Variants in BAZ2B observed in about 807,000 individuals in gnomAD.
The protein encoded by BAZ2B is bromodomain adjacent to zinc finger domain protein 2B.
BAZ2B carries 91 observed loss-of-function variants against 246.0 expected under a neutral mutation model. The observed-to-expected ratio is 0.37, with a 90% CI of 0.31 to 0.44. The LOEUF (loss-of-function observed/expected upper bound fraction) is 0.44, where lower values mean the gene tolerates loss of function less well. BAZ2B is among the 20% of genes least tolerant of loss of function. The pLI is 1.00. For missense variants in BAZ2B, 2,332 were observed against 2,533.7 expected, an observed-to-expected ratio of 0.92 and a Z score of 1.71; for synonymous variants, 855 against 860.0, an observed-to-expected ratio of 0.99 and a Z score of 0.10.
intron 2 of BAZ2B, among the ~76,000 whole-genome samples, chr2:159,531,375 T>G (rs964146608): frequency 6.6e-6 from 1 of 152,210 alleles, no homozygotes; most frequent in Non-Finnish European, 1.5e-5. Context: ...GTTTTTACTT[T>G]TGCAAACCAA....
chr2:159,639,927 A>C, the BAZ2B span, among the ~76,000 whole-genome samples: 4 of 152,110 alleles, frequency 2.6e-5, no homozygotes, highest in Non-Finnish European at 5.9e-5. Flanking sequence ...ATTAAAAAAA[A>C]TAAGATCCAG....
chr2:159,638,462 A>G, the BAZ2B span, among the ~76,000 whole-genome samples: 1 of 152,254 alleles, frequency 6.6e-6, no homozygotes, highest in South Asian at 2.1e-4. Context: ...CAAAGAATTC[A>G]GAATAGCTGT....
intron 10 of BAZ2B, among the ~76,000 whole-genome samples, chr2:159,430,628 T>C (rs1012374877): frequency 1.3e-5 from 2 of 152,130 alleles, no homozygotes; most frequent in Middle Eastern, 3.4e-3. Context: ...GCAGAAAGGT[T>C]CAAAACCAAA....
chr2:159,366,907 C>T (rs1293291609), intron 27 of BAZ2B, among the ~76,000 whole-genome samples: 1 of 151,996 alleles, frequency 6.6e-6, no homozygotes, highest in Admixed American at 6.6e-5. Flanking sequence ...TGAGCCACAC[C>T]AAGGGTCAGG....
intron 2 of BAZ2B, among the ~76,000 whole-genome samples, chr2:159,497,359 G>C (rs1267130470): frequency 1.3e-5 from 2 of 152,186 alleles, no homozygotes; most frequent in Non-Finnish European, 2.9e-5. Context: ...GAAGGTCCAT[G>C]ACTCATTATG....
chr2:159,631,522 C>G, the BAZ2B span, among the ~76,000 whole-genome samples: 1 of 152,014 alleles, frequency 6.6e-6, no homozygotes, highest in Non-Finnish European at 1.5e-5. Flanking sequence ...CTTAGAATAC[C>G]CTGTCACACC....
At chr2:159,445,524 T>C (rs1381823315) in intron 6 of BAZ2B, among the ~76,000 whole-genome samples, 1 of 152,140 alleles carries the variant, frequency 6.6e-6, no homozygotes, top group Non-Finnish European at 1.5e-5. Flanking sequence ...CAATGAGGTA[T>C]CACAGTCAAG....
chr2:159,497,101 A>G (rs981842869), intron 2 of BAZ2B, among the ~76,000 whole-genome samples: 8 of 152,152 alleles, frequency 5.3e-5, no homozygotes, highest in African/African-American at 1.9e-4. Context: ...TGTTATCTCC[A>G]TAATTCAACC....
At chr2:159,644,580 A>G in the BAZ2B span, among the ~76,000 whole-genome samples, 1 of 152,200 alleles carries the variant, frequency 6.6e-6, no homozygotes, top group Non-Finnish European at 1.5e-5. Context: ...TTCCTTGAGA[A>G]TAGTGCACAT....
intron 1 of BAZ2B, among the ~76,000 whole-genome samples, chr2:159,587,981 T>C (rs983005168): frequency 2.0e-5 from 3 of 151,788 alleles, no homozygotes; most frequent in African/African-American, 7.3e-5. Flanking sequence ...GCTTGAGCCC[T>C]GGAGTGTTAA....
chr2:159,591,922 C>T (rs188739791), intron 1 of BAZ2B, among the ~76,000 whole-genome samples: 67 of 152,180 alleles, frequency 4.4e-4, no homozygotes, highest in African/African-American at 1.4e-3. Flanking sequence ...AAGCTTTAGA[C>T]GAGGCTGGGC....
chr2:159,420,518 T>G (rs2068560791), intron 13 of BAZ2B, among the ~76,000 whole-genome samples: 1 of 152,188 alleles, frequency 6.6e-6, no homozygotes, highest in Non-Finnish European at 1.5e-5. Flanking sequence ...TATTCCATAC[T>G]CTAATGGTTC....
At chr2:159,662,925 G>A in the BAZ2B span, among the ~76,000 whole-genome samples, 1 of 152,058 alleles carries the variant, frequency 6.6e-6, no homozygotes, top group South Asian at 2.1e-4. Flanking sequence ...TAATGATGTT[G>A]AACATAATTT....
intron 1 of BAZ2B, among the ~76,000 whole-genome samples, chr2:159,557,129 C>T (rs1360025897): frequency 6.8e-6 from 1 of 147,112 alleles, no homozygotes; most frequent in Non-Finnish European, 1.5e-5. Context: ...TTATAGCCTC[C>T]CTACTTCTAT....
intron 25 of BAZ2B, among the ~76,000 whole-genome samples, chr2:159,378,415 GACATGAAAAAC>G (rs1441393517): frequency 6.6e-6 from 1 of 152,106 alleles, no homozygotes; most frequent in Non-Finnish European, 1.5e-5. Context: ...TCTTGAATAT[GACATGAAAAAC>G]ACAGGGAATA....
chr2:159,657,706 AG>A, the BAZ2B span, among the ~76,000 whole-genome samples: 1 of 152,210 alleles, frequency 6.6e-6, no homozygotes, highest in African/African-American at 2.4e-5. Flanking sequence ...AAGTACTTCT[AG>A]GGTTTGGTGG....
At chr2:159,441,577 T>G (rs1248446182) in intron 6 of BAZ2B, among the ~76,000 whole-genome samples, 5 of 152,234 alleles carry the variant, frequency 3.3e-5, no homozygotes, top group Non-Finnish European at 7.3e-5. Context: ...ATGTGTCATT[T>G]CCACAAATAA....
intron 36 of BAZ2B, among the ~76,000 whole-genome samples, 166 bp downstream of exon 36, chr2:159,324,645 C>T (rs1473459139): frequency 3.9e-4 from 9 of 23,148 alleles, no homozygotes; most frequent in African/African-American, 2.1e-3. Flanking sequence ...CACACACACA[C>T]ACACACACAC....
chr2:159,429,189 AT>A lies in BAZ2B; in HGVS notation c.2255+10del. On this transcript the variant is annotated intron_variant, in intron 11 of 36. Coordinates refer to ENST00000392783, the MANE Select transcript of BAZ2B (RefSeq NM_013450.4). The stretch of plus-strand genomic sequence containing the variant: ...GGGGAAAAAGAAAAAGGAAAACCTT[AT>A]TTTGCATACCCATATTCCAATGGAA... 1 of 1,516,960 alleles carries A rather than the reference AT, an allele frequency of 6.6e-7. No homozygotes were observed. Among genetic ancestry groups the A allele is most frequent in the South Asian group, 1.4e-5 (1 of 72,078 alleles). The allele number at this position is 1,516,960 out of a possible 1,614,324, so 94.0% of individuals were successfully genotyped here.
Sources: allele counts gnomAD v4.1 joint callset (sites outside exome capture counted in the v4.1 genomes callset), GRCh38; gene constraint gnomAD v4.1.1; transcripts MANE v1.5; gene names NCBI Gene and HGNC (gene_info 2026-07-23, HGNC 2026-07-21).